HECW1: variants seen among roughly 807,000 people sequenced by gnomAD.
HECW1 encodes HECT, C2 and WW domain containing E3 ubiquitin protein ligase 1, also known as E3 ubiquitin-protein ligase HECW1.
Under a neutral mutation model 182.3 loss-of-function variants are expected in HECW1, and 61 were observed. The ratio of observed to expected loss-of-function variants is 0.33; its 90% CI spans 0.27 to 0.41. The LOEUF is 0.41. HECW1 is among the 10% of genes least tolerant of loss of function. HECW1 has a pLI of 1.00. For missense variants in HECW1, 1,739 were observed against 2,108.9 expected (o/e 0.82, Z 3.44); for synonymous variants, 859 against 832.6 (o/e 1.03, Z -0.55).
chr7:43,379,682 A>G (rs1339254184), intron 6 of HECW1, among the ~76,000 whole-genome samples: 1 of 152,050 alleles, frequency 6.6e-6, no homozygotes, highest in Non-Finnish European at 1.5e-5. Flanking sequence ...CTTGCACTTC[A>G]GGTTTCTCTG....
At chr7:43,449,926 C>T (rs1000393688) in intron 11 of HECW1, among the ~76,000 whole-genome samples, 4 of 152,208 alleles carry the variant, frequency 2.6e-5, no homozygotes, top group Non-Finnish European at 5.9e-5. Flanking sequence ...CTGAGGACAC[C>T]ACTTCAGAAC....
chr7:43,277,434 G>C (rs1323393671), intron 3 of HECW1, among the ~76,000 whole-genome samples: 2 of 152,104 alleles, frequency 1.3e-5, no homozygotes, highest in African/African-American at 4.8e-5. Flanking sequence ...TTTCGTTTCT[G>C]TCTGTACTGA....
At chr7:43,464,976 A>AT (rs1282419814) in intron 14 of HECW1, among the ~76,000 whole-genome samples, 3 of 151,510 alleles carry the variant, frequency 2.0e-5, no homozygotes, top group Admixed American at 2.0e-4. Context: ...TAATTTTTTC[A>AT]TTTTTTGTAG....
chr7:43,239,201 G>A (rs943425706), intron 2 of HECW1: 9 of 152,206 alleles, frequency 5.9e-5, no homozygotes, highest in African/African-American at 1.9e-4. Context: ...ACGATCTAGT[G>A]AAACTCTTCA....
chr7:43,344,653 G>A (rs1325114483), intron 5 of HECW1, among the ~76,000 whole-genome samples: 1 of 151,760 alleles, frequency 6.6e-6, no homozygotes, highest in Non-Finnish European at 1.5e-5. Flanking sequence ...CTATATTTTA[G>A]ACTATCTGCT....
chr7:43,289,042 C>T (rs530649302), intron 3 of HECW1, among the ~76,000 whole-genome samples: 1 of 152,266 alleles, frequency 6.6e-6, no homozygotes, highest in South Asian at 2.1e-4. Flanking sequence ...CTGGCTGGTA[C>T]TAGGCATTTC....
intron 6 of HECW1, among the ~76,000 whole-genome samples, chr7:43,369,786 T>C (rs1321105832): frequency 1.3e-5 from 2 of 152,232 alleles, no homozygotes; most frequent in Non-Finnish European, 2.9e-5. Context: ...TCTCAGGGAT[T>C]AGAGGCAAGG....
At chr7:43,452,086 G>A (rs1202322240) in intron 12 of HECW1, among the ~76,000 whole-genome samples, 4 of 152,216 alleles carry the variant, frequency 2.6e-5, no homozygotes, top group Admixed American at 6.5e-5. Context: ...TTTTTCAAGG[G>A]CAAAGCCAAA....
At chr7:43,507,651 T>C (rs1440265107) in intron 22 of HECW1, among the ~76,000 whole-genome samples, 1 of 152,252 alleles carries the variant, frequency 6.6e-6, no homozygotes, top group Admixed American at 6.5e-5. Context: ...AACTTTGTAA[T>C]TGAAGTCTAA....
chr7:43,488,179 G>C (rs1009918919), intron 17 of HECW1, among the ~76,000 whole-genome samples: 2 of 151,726 alleles, frequency 1.3e-5, no homozygotes, highest in Non-Finnish European at 2.9e-5. Flanking sequence ...GCATGGTGGT[G>C]CATGCCTGTA....
At chr7:43,290,653 T>C (rs1805284778) in intron 3 of HECW1, among the ~76,000 whole-genome samples, 1 of 152,174 alleles carries the variant, frequency 6.6e-6, no homozygotes, top group African/African-American at 2.4e-5. Context: ...CTGAATTTTA[T>C]TTTTGGTTTA....
At chr7:43,528,050 CATTA>C (rs35011075) in intron 24 of HECW1, among the ~76,000 whole-genome samples, 11,190 of 152,212 alleles carry the variant, frequency 0.074, 495 homozygotes, top group East Asian at 0.16. Flanking sequence ...TATTTTGGTC[CATTA>C]ATTAACTACT....
intron 2 of HECW1, among the ~76,000 whole-genome samples, chr7:43,198,592 A>G (rs543946367): frequency 2.3e-3 from 339 of 144,736 alleles, no homozygotes; most frequent in African/African-American, 8.3e-3. Context: ...CACACACCAT[A>G]CACACCCCAC....
chr7:43,483,048 A>C (rs1433887048), intron 17 of HECW1, among the ~76,000 whole-genome samples: 1 of 152,236 alleles, frequency 6.6e-6, no homozygotes. Context: ...AGAAAGGCTC[A>C]CAGAGAGACA....
rs577847922 is a variant in HECW1 at position 43,157,955 on chromosome 7, C to T, written c.-32+43564C>T. 3.9e-5 allele frequency among the ~76,000 whole-genome samples: 6 copies of T among 152,232 alleles called. No individual in the cohort carries two copies. The South Asian group carries it at 6.2e-4, about 16-fold the overall frequency. On this transcript the variant is annotated intron_variant, in intron 2 of 29. Coordinates refer to ENST00000395891, the MANE Select transcript of HECW1 (RefSeq NM_015052.5). Reference sequence around the variant, plus strand: ...CAGCTCTGGTCTGAGTCCTTGCTCCCCTAAGATGAAGAGTGAAGATGTAGT... The same window carrying T: ...CAGCTCTGGTCTGAGTCCTTGCTCCTCTAAGATGAAGAGTGAAGATGTAGT...
At chr7:43,268,014 A>G (rs1255760751) in intron 3 of HECW1, among the ~76,000 whole-genome samples, 2 of 110,078 alleles carry the variant, frequency 1.8e-5, no homozygotes, top group Non-Finnish European at 3.5e-5. Flanking sequence ...ACAGACAAAT[A>G]TAGAACACTT....
intron 5 of HECW1, among the ~76,000 whole-genome samples, chr7:43,351,777 A>G (rs1157428511): frequency 6.7e-6 from 1 of 150,030 alleles, no homozygotes; most frequent in African/African-American, 2.5e-5. Context: ...TAGAAATCAG[A>G]TGAGGCTTAG....
rs545071335 is a variant in HECW1, at chr7:43,223,533, C to T, written c.-31-20342C>T. Among the ~76,000 whole-genome samples the T allele has an allele frequency of 5.9e-5, 9 of 152,114 alleles. No homozygotes were observed. The South Asian group carries it at 1.7e-3, about 28-fold the overall frequency. On this transcript the variant is annotated intron_variant, in intron 2 of 29. Transcript: ENST00000395891. ...ACTCGGGAGGCCGAGGCAGGAGAAT[C>T]GCTTGAACCTGGGAGGTGGAAGTTG...
At chr7:43,384,529 G>GA (rs1167528063) in intron 6 of HECW1, among the ~76,000 whole-genome samples, 5 of 152,012 alleles carry the variant, frequency 3.3e-5, no homozygotes, top group East Asian at 1.9e-4. Flanking sequence ...ACATTAGCAA[G>GA]AAAAAAATAC....
Sources: gnomAD v4.1 joint callset for allele counts (sites outside exome capture counted in the v4.1 genomes callset) on GRCh38, gnomAD v4.1.1 for gene constraint, MANE v1.5 for transcripts, NCBI Gene and HGNC (gene_info 2026-07-23, HGNC 2026-07-21) for gene names.